The following C1orf94 variants were observed in gnomAD, a reference collection of about 807,000 sequenced individuals.
The protein encoded by C1orf94 is chromosome 1 open reading frame 94, also known as uncharacterized protein C1orf94.
Under a neutral mutation model 53.6 loss-of-function variants are expected in C1orf94, and 45 were observed. The observed-to-expected ratio is 0.84, with a 90% CI of 0.66 to 1.08. The LOEUF is 1.08. C1orf94 is among the 50% of genes least tolerant of loss of function. C1orf94 has a pLI of 0.00. For missense variants in C1orf94, 762 were observed against 738.9 expected, an observed-to-expected ratio of 1.03 and a Z score of -0.36; for synonymous variants, 304 against 296.1, an observed-to-expected ratio of 1.03 and a Z score of -0.27.
At chr1:34,209,053 TA>T (rs1267573798) in intron 5 of C1orf94, among the ~76,000 whole-genome samples, 5 of 152,200 alleles carry the variant, frequency 3.3e-5, no homozygotes, top group Non-Finnish European at 7.3e-5. Flanking sequence ...ATACTTATGC[TA>T]AAAATATGTA....
chr1:34,209,317 CACAT>C (rs910084098), intron 5 of C1orf94, among the ~76,000 whole-genome samples: 5 of 146,216 alleles, frequency 3.4e-5, no homozygotes, highest in South Asian at 2.3e-4. Flanking sequence ...CACACACACA[CACAT>C]GCAGACAGAA....
At chr1:34,187,518 G>A (rs940903459) in intron 1 of C1orf94, among the ~76,000 whole-genome samples, 1 of 151,774 alleles carries the variant, frequency 6.6e-6, no homozygotes, top group Non-Finnish European at 1.5e-5. Context: ...GGCCACCAGT[G>A]GTTTGGTTTA....
chr1:34,186,268 T>G (rs1401929030), intron 1 of C1orf94, among the ~76,000 whole-genome samples: 1 of 152,070 alleles, frequency 6.6e-6, no homozygotes, highest in Non-Finnish European at 1.5e-5. Flanking sequence ...TCTGAAAAAA[T>G]GGGAAAAGTC....
chr1:34,171,210 G>A (rs948682891), intron 1 of C1orf94, among the ~76,000 whole-genome samples: 2 of 152,100 alleles, frequency 1.3e-5, no homozygotes, highest in African/African-American at 4.8e-5. Flanking sequence ...TCAGCTCTAA[G>A]CCATTCTGAC....
intron 2 of C1orf94, 117 bp downstream of exon 2, chr1:34,198,030 G>A (rs1337395765): frequency 1.2e-5 from 13 of 1,129,376 alleles, no homozygotes; most frequent in Non-Finnish European, 1.6e-5. Flanking sequence ...AGACAAAGCA[G>A]CCTCTCTGGT....
At chr1:34,169,596 TGAGA>T (rs568952022) in intron 1 of C1orf94, among the ~76,000 whole-genome samples, 129 of 97,602 alleles carry the variant, frequency 1.3e-3, no homozygotes, top group African/African-American at 4.4e-3. Context: ...CTTCTGAAGC[TGAGA>T]GAGAGAGAGA....
chr1:34,218,808 G>T lies in C1orf94; in HGVS notation c.*47G>T, dbSNP rs762725900. ...TCCCTTAGCCCTTGGATCAGGACTAGGGGCTCTGATTTTTGGATTCTGCAA... is the reference window on the plus strand; with the variant it reads ...TCCCTTAGCCCTTGGATCAGGACTATGGGCTCTGATTTTTGGATTCTGCAA... On this transcript the variant is annotated 3_prime_UTR_variant, in exon 7 of 7. Coordinates refer to ENST00000488417, the MANE Select transcript of C1orf94 (RefSeq NM_001134734.2). The T allele has an allele frequency of 2.7e-6, 4 of 1,496,060 alleles. No homozygotes were observed. The highest frequency in any genetic ancestry group is 1.4e-5 in the African/African-American group (1 of 71,464). 92.7% of individuals were successfully genotyped at this position (1,496,060 alleles called of 1,614,324 possible). A position where few individuals can be genotyped will look rare whatever the true frequency, so the allele number is the denominator to read the frequency against.
At chr1:34,201,930 T>C (rs1007024845) in intron 3 of C1orf94, among the ~76,000 whole-genome samples, 154 bp from the exon 4 acceptor site, 2 of 152,204 alleles carry the variant, frequency 1.3e-5, no homozygotes, top group Non-Finnish European at 2.9e-5. Context: ...TTACCTATAG[T>C]TGGAAATGTA....
rs947653959 is a variant in C1orf94, at chr1:34,178,172, G to A, written c.320+63G>A. On this transcript the variant is annotated intron_variant, in intron 1 of 6. Transcript: ENST00000488417. The stretch of plus-strand genomic sequence containing the variant: ...GGGAGGAGATGAAGTCTGACCTTCT[G>A]GGGGAATGTTCTGGCCCACTGTTGA... The A allele has an allele frequency of 5.4e-6, 8 of 1,485,462 alleles. No individual in the cohort carries two copies. In the Admixed American group the frequency reaches 1.5e-4, roughly 27 times the overall value. The allele number at this position is 1,485,462 out of a possible 1,614,324, so 92.0% of individuals were successfully genotyped here.
At chr1:34,216,258 G>C (rs560935563) in intron 6 of C1orf94, among the ~76,000 whole-genome samples, 1 of 152,146 alleles carries the variant, frequency 6.6e-6, no homozygotes, top group African/African-American at 2.4e-5. Flanking sequence ...CAAGGGATGG[G>C]ATGGGATGAG....
intron 1 of C1orf94, among the ~76,000 whole-genome samples, chr1:34,171,478 A>ATGG (rs1571331567): frequency 2.2e-5 from 3 of 138,662 alleles, no homozygotes; most frequent in East Asian, 4.1e-4. Context: ...TGGATGGATG[A>ATGG]ATGGATGGTT....
chr1:34,200,848 G>A lies in C1orf94; in HGVS notation c.1086G>A (p.Lys362=). 6.8e-6 allele frequency: 11 copies of A among 1,614,216 alleles called. No individual in the cohort carries two copies. The highest frequency in any genetic ancestry group is 9.3e-6 in the Non-Finnish European group (11 of 1,180,038). Residue 362 remains lysine (K), a synonymous_variant, in exon 3 of 7, where the codon AAG becomes AAA. Coordinates refer to ENST00000488417, the MANE Select transcript of C1orf94 (RefSeq NM_001134734.2). ...LFLSQWPQSQ[K]DACGEEGCCD... ...TCAGCCAGTGGCCCCAGAGCCAGAA[G>A]GACGCCTGTGGTGAGGAGGGTTGCT...
chr1:34,178,562 C>T (rs1441026160), intron 1 of C1orf94, among the ~76,000 whole-genome samples: 1 of 152,216 alleles, frequency 6.6e-6, no homozygotes, highest in Non-Finnish European at 1.5e-5. Context: ...CCCATTCAGC[C>T]TCCACAGAAG....
intron 1 of C1orf94, among the ~76,000 whole-genome samples, chr1:34,181,469 T>G (rs758269821): frequency 1.4e-4 from 21 of 152,242 alleles, no homozygotes; most frequent in Non-Finnish European, 2.1e-4. Context: ...TGGACACATT[T>G]TCAATCTCTT....
At chr1:34,213,989 T>G (rs1642942772) in intron 6 of C1orf94, among the ~76,000 whole-genome samples, 1 of 152,204 alleles carries the variant, frequency 6.6e-6, no homozygotes, top group African/African-American at 2.4e-5. Context: ...AGGGAAACGC[T>G]GTGTTGACAC....
intron 6 of C1orf94, 33 bp downstream of exon 6, chr1:34,212,439 T>A (rs76642169): frequency 9.5e-6 from 15 of 1,576,226 alleles, no homozygotes; most frequent in Non-Finnish European, 1.3e-5. Context: ...CCTAAGGGTA[T>A]CCAGAAAGCT....
chr1:34,199,314 G>A (rs1172579674), intron 2 of C1orf94, among the ~76,000 whole-genome samples: 1 of 152,168 alleles, frequency 6.6e-6, no homozygotes, highest in Non-Finnish European at 1.5e-5. Context: ...TCTGGGGAAA[G>A]GGCTATTATC....
rs72667784 is a variant in C1orf94 at position 34,183,160 on chromosome 1, G to A, written c.320+5051G>A. On this transcript the variant is annotated intron_variant, in intron 1 of 6. Transcript: ENST00000488417. ...TACAAAGGTGGGGAAGAAATGGGGA[G>A]CAATGGGTTTTGGGGGAGAAATCAA... is the stretch of plus-strand genomic sequence containing the variant. Among the ~76,000 whole-genome samples the A allele has an allele frequency of 2.5e-3, 374 of 152,352 alleles. 1 individual carries two copies. Among genetic ancestry groups the A allele is most frequent in the Admixed American group, 3.5e-3 (53 of 15,310 alleles).
chr1:34,198,223 A>G (rs1039323443), intron 2 of C1orf94, among the ~76,000 whole-genome samples: 1 of 152,250 alleles, frequency 6.6e-6, no homozygotes, highest in Non-Finnish European at 1.5e-5. Context: ...TGTCCAGAGT[A>G]CATTGAAGGA....
Sources: gnomAD v4.1 joint callset for allele counts (sites outside exome capture counted in the v4.1 genomes callset) on GRCh38, gnomAD v4.1.1 for gene constraint, MANE v1.5 for transcripts, NCBI Gene and HGNC (gene_info 2026-07-23, HGNC 2026-07-21) for gene names.